The following MGA variants were observed in gnomAD, a reference collection of about 807,000 sequenced individuals.
MGA encodes MAX dimerization protein MGA.
MGA carries 40 observed loss-of-function variants against 261.1 expected under a neutral mutation model. The ratio of observed to expected loss-of-function variants is 0.15; its 90% CI spans 0.12 to 0.20. The LOEUF is 0.20. MGA is among the 10% of genes least tolerant of loss of function. The pLI is 1.00. For missense variants in MGA, 3,397 were observed against 3,630.5 expected, an observed-to-expected ratio of 0.94 and a Z score of 1.65; for synonymous variants, 1,302 against 1,290.6, an observed-to-expected ratio of 1.01 and a Z score of -0.19.
In MGA at chr15:41,749,252, A is replaced by AG; in HGVS notation, c.5647dup (p.Ala1883GlyfsTer10). 1 of 1,614,038 alleles carries AG rather than the reference A, an allele frequency of 6.2e-7. No homozygotes were observed. The stretch of plus-strand genomic sequence containing the variant: ...TCTTCAGCAGTGAATGTTATCACTC[A>AG]GGCACCATCATTGCTTTCCTCTGGA... On this transcript the variant is annotated frameshift_variant, in exon 17 of 24. Coordinates refer to ENST00000219905, the MANE Select transcript of MGA (RefSeq NM_001164273.2). LOFTEE classifies it high-confidence loss of function.
intron 13 of MGA, among the ~76,000 whole-genome samples, chr15:41,739,093 G>A (rs994868456): frequency 6.6e-6 from 1 of 151,898 alleles, no homozygotes; most frequent in African/African-American, 2.4e-5. Context: ...TAGAGAACAT[G>A]GGTAGAGACT....
chr15:41,748,983 A>G, intron 16 of MGA, 56 bp downstream of exon 16: 3 of 1,571,766 alleles, frequency 1.9e-6, no homozygotes, highest in Non-Finnish European at 1.7e-6. Context: ...GCCATATGGT[A>G]TGTTAATACA....
intron 7 of MGA, among the ~76,000 whole-genome samples, chr15:41,710,186 T>C (rs537379959): frequency 3.0e-4 from 45 of 152,262 alleles, no homozygotes; most frequent in Admixed American, 1.4e-3. Flanking sequence ...TTGTCAAAGA[T>C]TGAAGATTCT....
chr15:41,705,263 C>T (rs150797763), intron 5 of MGA, among the ~76,000 whole-genome samples: 1 of 152,224 alleles, frequency 6.6e-6, no homozygotes, highest in Non-Finnish European at 1.5e-5. Context: ...CCATGTCCGG[C>T]CTCAGATTTC....
intron 9 of MGA, among the ~76,000 whole-genome samples, chr15:41,725,939 A>G (rs2061225824): frequency 6.6e-6 from 1 of 152,096 alleles, no homozygotes; most frequent in Middle Eastern, 3.2e-3. Context: ...TAATCAATGC[A>G]TATTTTCCTT....
Position 41,767,504 on chromosome 15 carries a change from C to T in MGA, c.*224C>T. ...GTTACCTCACTTGTGGTGCTGGGTC[C>T]CCTCATCCTCTCTAAGAAGATGTGA... On this transcript the variant is annotated 3_prime_UTR_variant, in exon 24 of 24. Transcript: ENST00000219905. 4 of 561,022 alleles carry T rather than the reference C, an allele frequency of 7.1e-6. No homozygotes were observed. The highest frequency in any genetic ancestry group is 9.5e-6 in the Non-Finnish European group (3 of 317,428). The allele number at this position is 561,022 out of a possible 1,614,324, so 34.8% of individuals were successfully genotyped here.
At chr15:41,656,272 G>A (rs150887720), upstream of MGA, among the ~76,000 whole-genome samples, 1 of 151,814 alleles carries the variant, frequency 6.6e-6, no homozygotes, top group Non-Finnish European at 1.5e-5. Flanking sequence ...GGTGAGGAAC[G>A]TGGTTATGTG....
intron 2 of MGA, among the ~76,000 whole-genome samples, chr15:41,675,006 T>C (rs2058301527): frequency 6.6e-6 from 1 of 152,250 alleles, no homozygotes; most frequent in East Asian, 1.9e-4. Flanking sequence ...CTGCATTGTT[T>C]TTGCCTCCTT....
intron 1 of MGA, among the ~76,000 whole-genome samples, chr15:41,627,051 C>T (rs1012111582): frequency 1.3e-5 from 2 of 152,020 alleles, no homozygotes; most frequent in Non-Finnish European, 2.9e-5. Flanking sequence ...GGATTACAGG[C>T]GTGCACCACC....
upstream of MGA, among the ~76,000 whole-genome samples, chr15:41,656,885 T>C (rs1223062477): frequency 1.3e-5 from 2 of 152,128 alleles, no homozygotes; most frequent in African/African-American, 4.8e-5. Flanking sequence ...CAAGCATTTC[T>C]CTCACTTCAG....
At chr15:41,756,913 G>A (rs1241264790) in intron 18 of MGA, among the ~76,000 whole-genome samples, 3 of 151,932 alleles carry the variant, frequency 2.0e-5, no homozygotes, top group Non-Finnish European at 4.4e-5. Context: ...AATATTGAAT[G>A]AAACAAATGA....
At chr15:41,677,576 A>C (rs992182580) in intron 2 of MGA, among the ~76,000 whole-genome samples, 1 of 152,206 alleles carries the variant, frequency 6.6e-6, no homozygotes, top group Non-Finnish European at 1.5e-5. Flanking sequence ...ACAGTGCACA[A>C]GTGTTCTAAT....
intron 5 of MGA, among the ~76,000 whole-genome samples, chr15:41,703,368 A>ACCCCCCCCCC (rs71108121): frequency 1.8e-4 from 17 of 93,250 alleles, no homozygotes; most frequent in Admixed American, 2.8e-4. Context: ...TTGTGAAGTT[A>ACCCCCCCCCC]CCCCCCCCCC....
intron 9 of MGA, among the ~76,000 whole-genome samples, chr15:41,716,615 GTT>G (rs143805192): frequency 0.012 from 1,795 of 152,118 alleles, 33 homozygotes; most frequent in African/African-American, 0.04. Flanking sequence ...CCTTTAGTAT[GTT>G]TTGCAAAAAG....
At position 41,765,893 on chromosome 15, in the gene MGA, C is replaced by CG. The variant is rs535622798; in HGVS notation, c.7922-111_7922-110insG. The CG allele has an allele frequency of 3.4e-3, 2,855 of 848,596 alleles. 13 individuals carry two copies. The highest frequency in any genetic ancestry group is 4.6e-3 in the Non-Finnish European group (2,560 of 560,102). The allele number at this position is 848,596 out of a possible 1,614,324, so 52.6% of individuals were successfully genotyped here. ...TCATCTTTTTGATAAAAGTAGAGTG[C>CG]TGAATTTAGACTACAAATCCCTAAG... is the stretch of plus-strand genomic sequence containing the variant. On this transcript the variant is annotated intron_variant, in intron 23 of 23. Coordinates refer to ENST00000219905, the MANE Select transcript of MGA (RefSeq NM_001164273.2).
Position 41,727,307 on chromosome 15 carries a change from G to C in MGA, c.3558G>C (p.Leu1186Phe). ...CTGTCATTGAGCCTATGAAACCATT[G>C]TTATTGCCTCAGCCAGAAGTTTTAT... The change falls in exon 10 of 24, where the codon TTG (leucine) becomes TTC (phenylalanine). Residue 1186 changes from leucine (L) to phenylalanine (F), a missense_variant. Physicochemically the swap from Leu to Phe is conservative, Grantham distance 22 (BLOSUM62 0). This residue lies in a region of MGA where 519 missense variants were observed against 554.1 expected (regional missense o/e 0.94). Coordinates refer to ENST00000219905, the MANE Select transcript of MGA (RefSeq NM_001164273.2). 6.2e-7 allele frequency: 1 copy of C among 1,613,936 alleles called. No individual in the cohort carries two copies.
At chr15:41,705,765 T>G (rs1336300012) in intron 5 of MGA, among the ~76,000 whole-genome samples, 1 of 152,238 alleles carries the variant, frequency 6.6e-6, no homozygotes, top group Admixed American at 6.5e-5. Context: ...TTCATTTTAC[T>G]GTTGAGAAAA....
At chr15:41,700,215 T>A (rs1566997307) in intron 5 of MGA, among the ~76,000 whole-genome samples, 1 of 151,840 alleles carries the variant, frequency 6.6e-6, no homozygotes, top group Non-Finnish European at 1.5e-5. Context: ...CGGCTAATTT[T>A]TTTTGTATTT....
intron 1 of MGA, among the ~76,000 whole-genome samples, chr15:41,630,138 C>A (rs1032547833): frequency 4.6e-5 from 7 of 152,124 alleles, no homozygotes; most frequent in African/African-American, 1.4e-4. Flanking sequence ...TCACACCTAC[C>A]GTGCCCAATG....
Sources: gnomAD v4.1 joint callset for allele counts (sites outside exome capture counted in the v4.1 genomes callset) on GRCh38, gnomAD v4.1.1 for gene constraint, gnomAD v4.1.1 regional missense constraint, MANE v1.5 for transcripts, NCBI Gene and HGNC (gene_info 2026-07-23, HGNC 2026-07-21) for gene names.